The following RANBP9 variants were observed in gnomAD, a reference collection of about 807,000 sequenced individuals.
RANBP9 encodes the protein RAN binding protein 9.
In RANBP9, 15 loss-of-function variants were observed where a neutral mutation model predicts 84.3. The observed-to-expected ratio is 0.18, with a 90% CI of 0.12 to 0.27. RANBP9 has a LOEUF of 0.27. RANBP9 is among the 10% of genes least tolerant of loss of function. The probability of loss-of-function intolerance (pLI) is 1.00; values close to 1 mark genes in which losing one functional copy is unlikely to be tolerated. For missense variants in RANBP9, 809 were observed against 912.8 expected (o/e 0.89, Z 1.46); for synonymous variants, 392 against 349.6 (o/e 1.12, Z -1.35).
intron 2 of RANBP9, among the ~76,000 whole-genome samples, chr6:13,665,612 C>T (rs914935226): frequency 1.3e-5 from 2 of 152,086 alleles, no homozygotes; most frequent in Non-Finnish European, 1.5e-5. Context: ...GCCTACCCTA[C>T]GACCCAGCAA....
At chr6:13,629,319 TG>T (rs1764711187) in intron 12 of RANBP9, among the ~76,000 whole-genome samples, 1 of 152,074 alleles carries the variant, frequency 6.6e-6, no homozygotes, top group African/African-American at 2.4e-5. Context: ...GCATAGAAAC[TG>T]GGAGGAAATA....
chr6:13,665,397 T>C (rs1200810409), intron 2 of RANBP9, among the ~76,000 whole-genome samples: 2 of 152,104 alleles, frequency 1.3e-5, no homozygotes, highest in African/African-American at 4.8e-5. Context: ...GTGCTCCAAA[T>C]TGTCAGTCAT....
At chr6:13,708,295 A>AG (rs1043879609) in intron 1 of RANBP9, among the ~76,000 whole-genome samples, 18 of 152,246 alleles carry the variant, frequency 1.2e-4, no homozygotes, top group African/African-American at 3.6e-4. Context: ...GCATAGTGAC[A>AG]GGAGCCTGTG....
chr6:13,700,649 AT>A (rs1240137202), intron 1 of RANBP9, among the ~76,000 whole-genome samples: 5 of 152,058 alleles, frequency 3.3e-5, no homozygotes, highest in African/African-American at 4.8e-5. Context: ...ACGTTTAATT[AT>A]TTTTTCCCTG....
intron 4 of RANBP9, among the ~76,000 whole-genome samples, chr6:13,655,623 A>G (rs1207272164): frequency 1.3e-5 from 2 of 152,218 alleles, no homozygotes; most frequent in Non-Finnish European, 2.9e-5. Context: ...GGGAAAAAAT[A>G]AAATCATTAT....
chr6:13,632,601 A>G lies in RANBP9; in HGVS notation c.1796-80T>C, dbSNP rs530540661. The G allele has an allele frequency of 3.9e-6, 5 of 1,296,556 alleles. No individual in the cohort carries two copies. In the East Asian group the frequency reaches 1.2e-4, roughly 30 times the overall value. 80.3% of individuals were successfully genotyped at this position (1,296,556 alleles called of 1,614,324 possible). ...GACACGAACATACATTTCTTATACCATTTTGTACATTTAGTAACTATTCCC... is the reference window on the plus strand; with the variant it reads ...GACACGAACATACATTTCTTATACCGTTTTGTACATTTAGTAACTATTCCC... On this transcript the variant is annotated intron_variant, in intron 11 of 13. Coordinates refer to ENST00000011619, the MANE Select transcript of RANBP9 (RefSeq NM_005493.3).
At chr6:13,668,740 T>C (rs1765707739) in intron 2 of RANBP9, among the ~76,000 whole-genome samples, 1 of 152,096 alleles carries the variant, frequency 6.6e-6, no homozygotes, top group South Asian at 2.1e-4. Context: ...TTCCTCACAC[T>C]GATAAAGAAC....
At chr6:13,662,732 G>A (rs1001238004) in intron 2 of RANBP9, among the ~76,000 whole-genome samples, 7 of 152,178 alleles carry the variant, frequency 4.6e-5, no homozygotes, top group African/African-American at 1.7e-4. Flanking sequence ...ATAAATGTAT[G>A]CTGTTTATAC....
intron 2 of RANBP9, among the ~76,000 whole-genome samples, chr6:13,664,501 T>C (rs910235079): frequency 1.3e-5 from 2 of 152,074 alleles, no homozygotes; most frequent in East Asian, 3.9e-4. Context: ...AAAGTGTATA[T>C]AGAAGCTGAT....
At position 13,711,334 on chromosome 6, in the gene RANBP9, CGCCGCCCGCACCGCCGCCGGGCGA is replaced by C. The variant is rs1758277145; in HGVS notation, c.148_171del (p.Ser50_Gly57del). On this transcript the variant is annotated inframe_deletion, in exon 1 of 14. Transcript: ENST00000011619. ...GCGGCCGCCGCGGCCCCTAAGCCTT[CGCCGCCCGCACCGCCGCCGGGCGA>C]GCCGGCCGGAGAAGAGCCGGCGCTG... 9.0e-7 allele frequency: 1 copy of C among 1,115,938 alleles called. No individual in the cohort carries two copies. Among genetic ancestry groups the C allele is most frequent in the Non-Finnish European group, 1.1e-6 (1 of 914,776 alleles). The allele number at this position is 1,115,938 out of a possible 1,614,324, so 69.1% of individuals were successfully genotyped here. A position where few individuals can be genotyped will look rare whatever the true frequency, so the allele number is the denominator to read the frequency against.
At chr6:13,650,083 T>A (rs780417640) in intron 5 of RANBP9, among the ~76,000 whole-genome samples, 50 of 152,176 alleles carry the variant, frequency 3.3e-4, no homozygotes, top group East Asian at 3.9e-4. Flanking sequence ...ATATGTATTT[T>A]AAAAAAATAA....
chr6:13,644,454 G>C (rs997025198), intron 6 of RANBP9, 91 bp downstream of exon 6: 2 of 1,297,294 alleles, frequency 1.5e-6, no homozygotes, highest in Non-Finnish European at 2.1e-6. Flanking sequence ...ATAAATTAGT[G>C]GATTAAAAAG....
intron 2 of RANBP9, among the ~76,000 whole-genome samples, chr6:13,669,640 C>G (rs1438614567): frequency 6.6e-6 from 1 of 152,182 alleles, no homozygotes; most frequent in Admixed American, 6.5e-5. Context: ...AACCAGGCTG[C>G]AGTGCAGTGG....
chr6:13,639,665 G>A lies in RANBP9; in HGVS notation c.1423C>T (p.Pro475Ser). 3 of 1,613,116 alleles carry A rather than the reference G, an allele frequency of 1.9e-6. No homozygotes were observed. The highest frequency in any genetic ancestry group is 1.1e-5 in the South Asian group (1 of 91,048). Reference sequence around the variant, plus strand: ...CTACTAAAAGGTCGAGGACTAACAGGATAACTGTCTTGAGACTTTGGACTT... The same window carrying A: ...CTACTAAAAGGTCGAGGACTAACAGAATAACTGTCTTGAGACTTTGGACTT... ...GRSPKSQDSY[P>S]VSPRPFSSPS... Residue 475 changes from proline (P) to serine (S), a missense_variant, in exon 9 of 14, where the codon CCT (proline) becomes TCT (serine). Transcript: ENST00000011619.
intron 2 of RANBP9, among the ~76,000 whole-genome samples, chr6:13,690,976 G>C (rs1387095786): frequency 6.6e-6 from 1 of 152,028 alleles, no homozygotes; most frequent in Non-Finnish European, 1.5e-5. Flanking sequence ...AGACCGGCCT[G>C]GCCAACATGG....
In RANBP9 at chr6:13,711,278, G is replaced by A. The variant is rs941660757; in HGVS notation, c.228C>T (p.Pro76=). Reference sequence around the variant, plus strand: ...GGGGCGGCGGGGCCGCGGTGGCCGGGGGCGGCGGCGGCGGAGGGTGGAGGA... The same window carrying A: ...GGGGCGGCGGGGCCGCGGTGGCCGGAGGCGGCGGCGGCGGAGGGTGGAGGA... ...ALLLHPPPPP[P]PATAAPPPPP... Residue 76 remains proline, a synonymous_variant, in exon 1 of 14, where the codon CCC becomes CCT. Coordinates refer to ENST00000011619, the MANE Select transcript of RANBP9 (RefSeq NM_005493.3). 2.2e-5 allele frequency: 22 copies of A among 992,176 alleles called. No homozygotes were observed. The highest frequency in any genetic ancestry group is 6.1e-5 in the Admixed American group (1 of 16,302). 61.5% of individuals were successfully genotyped at this position (992,176 alleles called of 1,614,324 possible).
chr6:13,643,412 C>T (rs577322722), intron 6 of RANBP9, among the ~76,000 whole-genome samples: 2 of 152,230 alleles, frequency 1.3e-5, no homozygotes, highest in South Asian at 2.1e-4. Context: ...CTACTAAGGG[C>T]CAGTTAGAAA....
chr6:13,636,816 A>G (rs1764950421), intron 10 of RANBP9, among the ~76,000 whole-genome samples: 1 of 152,214 alleles, frequency 6.6e-6, no homozygotes, highest in African/African-American at 2.4e-5. Context: ...CACGTGTGAC[A>G]GACAACCCAG....
Sources: allele counts gnomAD v4.1 joint callset (sites outside exome capture counted in the v4.1 genomes callset), GRCh38; gene constraint gnomAD v4.1.1; transcripts MANE v1.5; gene names NCBI Gene and HGNC (gene_info 2026-07-23, HGNC 2026-07-21).